The following TTLL1 variants were observed in gnomAD, a reference collection of about 807,000 sequenced individuals.
The protein encoded by TTLL1 is polyglutamylase complex subunit TTLL1.
A neutral mutation model predicts 47.8 loss-of-function variants in TTLL1; 33 were observed. That is an observed-to-expected ratio of 0.69 (90% CI 0.52 to 0.92). The LOEUF (loss-of-function observed/expected upper bound fraction) is 0.92, where lower values mean the gene tolerates loss of function less well. TTLL1 is among the 40% of genes least tolerant of loss of function. The pLI is 0.00. For synonymous variants in TTLL1, 225 were observed against 214.1 expected (o/e 1.05, Z -0.45); for missense variants, 488 against 547.5 (o/e 0.89, Z 1.08).
chr22:43,088,291 G>C (rs912139042), intron 1 of TTLL1, among the ~76,000 whole-genome samples: 1 of 145,886 alleles, frequency 6.9e-6, no homozygotes, highest in African/African-American at 2.5e-5. Context: ...CTGCTTACCA[G>C]TGTCTGTAAT....
At chr22:43,056,881 C>T (rs1927051579) in intron 8 of TTLL1, among the ~76,000 whole-genome samples, 1 of 152,186 alleles carries the variant, frequency 6.6e-6, no homozygotes, top group African/African-American at 2.4e-5. Flanking sequence ...TACCCTCAAA[C>T]TCCTGGACTC....
intron 4 of TTLL1, 54 bp from the exon 5 acceptor site, chr22:43,068,644 G>A: frequency 2.9e-6 from 4 of 1,366,104 alleles, no homozygotes; most frequent in Non-Finnish European, 3.8e-6. Flanking sequence ...CAGTGGCCAT[G>A]AACAGAAAGA....
intron 1 of TTLL1, among the ~76,000 whole-genome samples, chr22:43,087,618 A>G (rs150299756): frequency 0.021 from 3,233 of 151,576 alleles, 53 homozygotes; most frequent in Middle Eastern, 0.071. Context: ...TGGGTAGATC[A>G]CCTGAGGTCA....
Position 43,039,717 on chromosome 22 carries a change from A to G in TTLL1, c.*59T>C. On this transcript the variant is annotated 3_prime_UTR_variant, in exon 11 of 11. Coordinates refer to ENST00000266254, the MANE Select transcript of TTLL1 (RefSeq NM_012263.5). ...AGCTCTACAAAAGGGAAATTTCAAA[A>G]TAGGGCTTCAGCAGGGGCCCAGGTG... The G allele has an allele frequency of 6.7e-7, 1 of 1,499,624 alleles. No individual in the cohort carries two copies. The highest frequency in any genetic ancestry group is 1.4e-5 in the African/African-American group (1 of 70,714). 92.9% of individuals were successfully genotyped at this position (1,499,624 alleles called of 1,614,324 possible).
intron 2 of TTLL1, among the ~76,000 whole-genome samples, chr22:43,076,612 A>G (rs1226111573): frequency 5.5e-5 from 8 of 146,544 alleles, no homozygotes; most frequent in East Asian, 4.2e-4. Flanking sequence ...TTAGCCAGGC[A>G]TGGTGGCATG....
chr22:43,084,192 C>G (rs775802685), intron 1 of TTLL1, among the ~76,000 whole-genome samples: 1 of 152,132 alleles, frequency 6.6e-6, no homozygotes, highest in Non-Finnish European at 1.5e-5. Context: ...GCTCTACTGC[C>G]CAGGCTGGAG....
At chr22:43,064,454 G>A (rs533001150) in intron 5 of TTLL1, 130 bp from the exon 6 acceptor site, 26 of 1,057,798 alleles carry the variant, frequency 2.5e-5, no homozygotes, top group Admixed American at 1.2e-4. Flanking sequence ...GGCTGGGCGC[G>A]GTGGCTCACG....
At chr22:43,065,645 C>T (rs896477195) in intron 5 of TTLL1, among the ~76,000 whole-genome samples, 4 of 151,544 alleles carry the variant, frequency 2.6e-5, no homozygotes, top group African/African-American at 7.3e-5. Flanking sequence ...TGCAGTGGTG[C>T]GATCACAGCT....
At chr22:43,048,189 C>T (rs1289413652) in intron 9 of TTLL1, among the ~76,000 whole-genome samples, 4 of 151,778 alleles carry the variant, frequency 2.6e-5, no homozygotes, top group South Asian at 2.1e-4. Flanking sequence ...TGGTGGCAGG[C>T]GCCTGTAATC....
chr22:43,063,904 C>T lies in TTLL1; in HGVS notation c.656G>A (p.Cys219Tyr). 1 of 1,614,078 alleles carries T rather than the reference C, an allele frequency of 6.2e-7. No homozygotes were observed. The highest frequency in any genetic ancestry group is 1.7e-5 in the Admixed American group (1 of 60,002). ...LRCYMYKLGFCRFCTVKYTPS... is the reference protein window; with the variant it reads ...LRCYMYKLGFYRFCTVKYTPS... ...GGTGTATTTCACTGTGCAGAACCGG[C>T]AAAACCCAAGCTTGTACCTAGGAGG... The change falls in exon 7 of 11, where the codon TGC becomes TAC. Residue 219 changes from cysteine (C) to tyrosine (Y), a missense_variant. Physicochemically the swap from Cys to Tyr is radical, Grantham distance 194 (BLOSUM62 -2). Coordinates refer to ENST00000266254, the MANE Select transcript of TTLL1 (RefSeq NM_012263.5).
chr22:43,068,115 C>A (rs978429002), intron 5 of TTLL1, among the ~76,000 whole-genome samples: 1 of 145,150 alleles, frequency 6.9e-6, no homozygotes, highest in African/African-American at 2.6e-5. Context: ...TGCCCAGCCG[C>A]AAAACCCCAT....
intron 7 of TTLL1, among the ~76,000 whole-genome samples, chr22:43,059,937 G>A (rs1020351558): frequency 2.0e-5 from 3 of 152,150 alleles, no homozygotes; most frequent in South Asian, 4.1e-4. Context: ...GGATCCTCCT[G>A]CCTTGGCCTC....
At chr22:43,050,015 T>A (rs1038260563) in intron 9 of TTLL1, among the ~76,000 whole-genome samples, 1 of 152,110 alleles carries the variant, frequency 6.6e-6, no homozygotes, top group Non-Finnish European at 1.5e-5. Flanking sequence ...GAGAATTGCT[T>A]GAACCCGGGA....
At chr22:43,088,324 CTTTTTTTTTTT>C (rs1167618669) in intron 1 of TTLL1, among the ~76,000 whole-genome samples, 5 of 56,468 alleles carry the variant, frequency 8.9e-5, no homozygotes, top group Admixed American at 2.3e-4. Flanking sequence ...AAGGGCCCAT[CTTTTTTTTTTT>C]TTTTTTTTTT....
intron 8 of TTLL1, among the ~76,000 whole-genome samples, chr22:43,054,644 G>A (rs1377569071): frequency 1.3e-4 from 19 of 150,222 alleles, no homozygotes; most frequent in African/African-American, 2.0e-4. Context: ...GGCTGGTCTC[G>A]AACTCCTGAC....
At chr22:43,050,276 C>T (rs367974496) in intron 9 of TTLL1, among the ~76,000 whole-genome samples, 5 of 141,948 alleles carry the variant, frequency 3.5e-5, no homozygotes, top group South Asian at 4.6e-4. Context: ...ATTAGCTGGG[C>T]GTGGTGGTGC....
chr22:43,077,625 T>C (rs1187210248), intron 2 of TTLL1, among the ~76,000 whole-genome samples: 2 of 152,148 alleles, frequency 1.3e-5, no homozygotes, highest in Non-Finnish European at 2.9e-5. Flanking sequence ...CTCGGAGCTA[T>C]CATAGTTACA....
chr22:43,068,678 C>T, intron 4 of TTLL1, 88 bp from the exon 5 acceptor site: 1 of 1,266,256 alleles, frequency 7.9e-7, no homozygotes, highest in Non-Finnish European at 1.0e-6. Flanking sequence ...TTTCCAGGGC[C>T]TGTGGGCTGA....
intron 8 of TTLL1, among the ~76,000 whole-genome samples, chr22:43,057,891 C>G (rs552553570): frequency 1.3e-5 from 2 of 151,274 alleles, no homozygotes; most frequent in Non-Finnish European, 2.9e-5. Flanking sequence ...GAGTCATATG[C>G]GAGTAACAAA....
Sources: allele counts gnomAD v4.1 joint callset (sites outside exome capture counted in the v4.1 genomes callset), GRCh38; gene constraint gnomAD v4.1.1; transcripts MANE v1.5; gene names NCBI Gene and HGNC (gene_info 2026-07-23, HGNC 2026-07-21).